Variants in ENOX1 observed in about 807,000 individuals in gnomAD.
ENOX1 encodes the protein ecto-NOX disulfide-thiol exchanger 1.
ENOX1 carries 42 observed loss-of-function variants against 82.5 expected under a neutral mutation model. The ratio of observed to expected loss-of-function variants is 0.51; its 90% CI spans 0.40 to 0.66. ENOX1 has a LOEUF of 0.66. Ranked by LOEUF, ENOX1 falls within the 30% of genes least tolerant of loss-of-function variation. ENOX1 has a pLI of 0.00. For synonymous variants in ENOX1, 271 were observed against 282.2 expected (o/e 0.96, Z 0.40); for missense variants, 608 against 811.6 (o/e 0.75, Z 3.05).
intron 1 of ENOX1, among the ~76,000 whole-genome samples, chr13:43,742,403 G>A (rs1949786967): frequency 6.6e-6 from 1 of 150,952 alleles, no homozygotes. Flanking sequence ...CTCAAGCAAA[G>A]AGAGACAGAG....
chr13:43,739,264 ATTGGTGGGTGT>A (rs2089781645), intron 1 of ENOX1, among the ~76,000 whole-genome samples: 2 of 152,072 alleles, frequency 1.3e-5, no homozygotes, highest in Admixed American at 6.6e-5. Flanking sequence ...TGATAAATAT[ATTGGTGGGTGT>A]GGTGGCTCAC....
chr13:43,483,523 A>C (rs974619079), intron 3 of ENOX1, among the ~76,000 whole-genome samples: 5 of 152,184 alleles, frequency 3.3e-5, no homozygotes, highest in African/African-American at 1.2e-4. Flanking sequence ...CATAGGGTGA[A>C]TATCCTCTGG....
chr13:43,578,831 C>A (rs2080563880), intron 2 of ENOX1, among the ~76,000 whole-genome samples: 1 of 152,154 alleles, frequency 6.6e-6, no homozygotes, highest in African/African-American at 2.4e-5. Context: ...TATTGCTTGA[C>A]TTAATTCCAC....
chr13:43,590,198 A>G (rs753022004), intron 2 of ENOX1, among the ~76,000 whole-genome samples: 2 of 152,174 alleles, frequency 1.3e-5, no homozygotes, highest in Non-Finnish European at 2.9e-5. Flanking sequence ...AAAGCTTTTG[A>G]AACAAAAAAC....
chr13:43,482,743 G>A (rs959428580), intron 3 of ENOX1, among the ~76,000 whole-genome samples: 10 of 152,098 alleles, frequency 6.6e-5, no homozygotes, highest in African/African-American at 2.4e-4. Flanking sequence ...GACAGTTCAC[G>A]CAGAATCTTG....
rs559678057 is a variant in ENOX1, at chr13:43,541,736, C to T, written c.-218-57584G>A. On this transcript the variant is annotated intron_variant, in intron 2 of 16. Coordinates refer to ENST00000690772, the MANE Select transcript of ENOX1 (RefSeq NM_001347969.2). ...CTTCCCTAACACAATACTCGAGTAC[C>T]GCTGCTTTCAAAAGAAGCATTTCTA... Among the ~76,000 whole-genome samples the T allele has an allele frequency of 8.5e-5, 13 of 152,182 alleles. No homozygotes were observed. The East Asian group carries it at 9.6e-4, about 11-fold the overall frequency.
chr13:43,235,263 T>C (rs2042479207), intron 15 of ENOX1, among the ~76,000 whole-genome samples: 1 of 152,162 alleles, frequency 6.6e-6, no homozygotes, highest in South Asian at 2.1e-4. Flanking sequence ...AAAAAAATAA[T>C]TGGTTTTCCT....
chr13:43,548,261 T>A (rs2079049305), intron 2 of ENOX1, among the ~76,000 whole-genome samples: 1 of 152,128 alleles, frequency 6.6e-6, no homozygotes. Context: ...GCAAAACAAC[T>A]AACATCCCTC....
chr13:43,556,074 G>A (rs867063976), intron 2 of ENOX1, among the ~76,000 whole-genome samples: 7 of 152,266 alleles, frequency 4.6e-5, no homozygotes, highest in Middle Eastern at 3.4e-3. Context: ...ACCAATGAAT[G>A]TTCAATGTAT....
chr13:43,508,553 T>A (rs10454617), intron 2 of ENOX1, among the ~76,000 whole-genome samples: 30,961 of 151,852 alleles, frequency 0.2, 3,645 homozygotes, highest in Middle Eastern at 0.28. Context: ...AATAAGTATA[T>A]TATTCAAAGG....
intron 2 of ENOX1, among the ~76,000 whole-genome samples, chr13:43,527,629 T>C (rs2078043330): frequency 6.6e-6 from 1 of 152,136 alleles, no homozygotes; most frequent in Admixed American, 6.6e-5. Flanking sequence ...GTTTCGTCAC[T>C]GAAACATTCA....
chr13:43,567,467 T>TC (rs2079970665), intron 2 of ENOX1, among the ~76,000 whole-genome samples: 1 of 152,058 alleles, frequency 6.6e-6, no homozygotes, highest in African/African-American at 2.4e-5. Context: ...ACAAATCATA[T>TC]CCAGGAAATA....
intron 1 of ENOX1, among the ~76,000 whole-genome samples, chr13:43,683,580 C>T (rs1379977587): frequency 2.0e-5 from 3 of 152,080 alleles, no homozygotes; most frequent in Admixed American, 6.6e-5. Context: ...GATCCACCTC[C>T]AAACTGGAGG....
intron 1 of ENOX1, among the ~76,000 whole-genome samples, chr13:43,689,968 T>A (rs1753774448): frequency 6.6e-6 from 1 of 152,162 alleles, no homozygotes; most frequent in Non-Finnish European, 1.5e-5. Flanking sequence ...TTTTAAGTCC[T>A]TCTCCATTAT....
intron 1 of ENOX1, among the ~76,000 whole-genome samples, chr13:43,769,636 C>T (rs1003911529): frequency 6.6e-6 from 1 of 152,090 alleles, no homozygotes; most frequent in Non-Finnish European, 1.5e-5. Flanking sequence ...TCAGGGGCTC[C>T]CAAATAGTCT....
At chr13:43,277,421 A>AAGAT (rs2045113126) in intron 12 of ENOX1, among the ~76,000 whole-genome samples, 1 of 152,200 alleles carries the variant, frequency 6.6e-6, no homozygotes, top group South Asian at 2.1e-4. Context: ...CTGAGAGGTC[A>AAGAT]AGATAATGAA....
chr13:43,405,364 G>A (rs1323156), intron 5 of ENOX1, among the ~76,000 whole-genome samples: 7,447 of 152,036 alleles, frequency 0.049, 521 homozygotes, highest in African/African-American at 0.15. Context: ...TCCCCAGGGC[G>A]TCAACAACCA....
chr13:43,468,235 G>A (rs1451489856), intron 3 of ENOX1, among the ~76,000 whole-genome samples: 1 of 151,580 alleles, frequency 6.6e-6, no homozygotes, highest in Non-Finnish European at 1.5e-5. Flanking sequence ...CAGCTGGAGT[G>A]CAGTGGTGTG....
At chr13:43,766,427 T>C (rs943627044) in intron 1 of ENOX1, among the ~76,000 whole-genome samples, 4 of 152,214 alleles carry the variant, frequency 2.6e-5, no homozygotes, top group Admixed American at 6.5e-5. Flanking sequence ...AGGCTACTGC[T>C]GTAACAATAA....
Sources: allele counts gnomAD v4.1 joint callset (sites outside exome capture counted in the v4.1 genomes callset), GRCh38; gene constraint gnomAD v4.1.1; transcripts MANE v1.5; gene names NCBI Gene and HGNC (gene_info 2026-07-23, HGNC 2026-07-21).